KCNQ3: variants seen among roughly 807,000 people sequenced by gnomAD.
KCNQ3 encodes the protein potassium voltage-gated channel subfamily KQT member 3.
KCNQ3 carries 30 observed loss-of-function variants against 92.5 expected under a neutral mutation model. That is an observed-to-expected ratio of 0.32 (90% confidence interval 0.24 to 0.44). KCNQ3 has a LOEUF of 0.44. Among genes scored for constraint, KCNQ3 ranks in the 20% least tolerant of loss-of-function variants. The pLI is 1.00. For synonymous variants in KCNQ3, 450 were observed against 468.8 expected (o/e 0.96, Z 0.52); for missense variants, 913 against 1,140.3 (o/e 0.80, Z 2.87).
At chr8:132,361,477 G>A (rs1471065037) in intron 1 of KCNQ3, among the ~76,000 whole-genome samples, 1 of 152,120 alleles carries the variant, frequency 6.6e-6, no homozygotes, top group Non-Finnish European at 1.5e-5. Context: ...GAGGACTTGC[G>A]GTTCATTGTT....
chr8:132,184,771 C>G (rs1826910279), intron 2 of KCNQ3, among the ~76,000 whole-genome samples: 1 of 152,184 alleles, frequency 6.6e-6, no homozygotes, highest in Non-Finnish European at 1.5e-5. Context: ...TGCCTGTACC[C>G]TGGCATTGCT....
intron 3 of KCNQ3, 138 bp downstream of exon 3, chr8:132,184,103 C>T (rs541820169): frequency 5.0e-5 from 53 of 1,054,914 alleles, no homozygotes; most frequent in South Asian, 1.0e-4. Context: ...CCCTTCTCAT[C>T]GAGGCAGCGT....
At chr8:132,375,450 C>T (rs939119284) in intron 1 of KCNQ3, among the ~76,000 whole-genome samples, 3 of 152,164 alleles carry the variant, frequency 2.0e-5, no homozygotes, top group African/African-American at 7.2e-5. Context: ...ACTCATTCTG[C>T]AGCCGCTGAG....
chr8:132,391,528 G>C (rs1275464911), intron 1 of KCNQ3, among the ~76,000 whole-genome samples: 1 of 152,108 alleles, frequency 6.6e-6, no homozygotes. Context: ...AAATTCTGCA[G>C]GCTGAACTGG....
At chr8:132,255,311 G>C (rs1815548813) in intron 1 of KCNQ3, among the ~76,000 whole-genome samples, 1 of 152,160 alleles carries the variant, frequency 6.6e-6, no homozygotes, top group African/African-American at 2.4e-5. Flanking sequence ...ACCTGACTCA[G>C]AACTTTCCCA....
intron 1 of KCNQ3, among the ~76,000 whole-genome samples, chr8:132,250,422 C>A (rs1317251639): frequency 6.6e-6 from 1 of 152,154 alleles, no homozygotes. Context: ...ATAAATGGGA[C>A]ATGTATTTAG....
intron 1 of KCNQ3, among the ~76,000 whole-genome samples, chr8:132,257,685 T>G (rs1040168907): frequency 9.5e-5 from 13 of 137,022 alleles, no homozygotes; most frequent in Middle Eastern, 4.7e-3. Flanking sequence ...AGGTGGAGGT[T>G]GCAGTGAGCT....
intron 1 of KCNQ3, among the ~76,000 whole-genome samples, chr8:132,230,303 A>G (rs1814591533): frequency 6.6e-6 from 1 of 152,018 alleles, no homozygotes; most frequent in Admixed American, 6.6e-5. Flanking sequence ...AAGGCTCCTT[A>G]CCTTCCAAGA....
At chr8:132,336,198 T>G (rs1818364081) in intron 1 of KCNQ3, among the ~76,000 whole-genome samples, 2 of 152,146 alleles carry the variant, frequency 1.3e-5, no homozygotes, top group Non-Finnish European at 2.9e-5. Flanking sequence ...CCCCAACCAA[T>G]GCCAGCAGGG....
chr8:132,292,463 A>G (rs1000690727), intron 1 of KCNQ3, among the ~76,000 whole-genome samples: 1 of 152,196 alleles, frequency 6.6e-6, no homozygotes, highest in Non-Finnish European at 1.5e-5. Flanking sequence ...ATGGAATCTG[A>G]CCACAGAGAT....
At chr8:132,194,957 A>G (rs1815728326) in intron 1 of KCNQ3, among the ~76,000 whole-genome samples, 1 of 152,190 alleles carries the variant, frequency 6.6e-6, no homozygotes, top group African/African-American at 2.4e-5. Flanking sequence ...TGGTAAATCA[A>G]AGAGTGAATC....
At chr8:132,357,617 C>T (rs1392462971) in intron 1 of KCNQ3, among the ~76,000 whole-genome samples, 1 of 152,184 alleles carries the variant, frequency 6.6e-6, no homozygotes, top group Non-Finnish European at 1.5e-5. Flanking sequence ...ACATGGGCAC[C>T]ACAGGCAGCT....
intron 1 of KCNQ3, among the ~76,000 whole-genome samples, chr8:132,398,994 C>T (rs1203795667): frequency 6.6e-6 from 1 of 152,216 alleles, no homozygotes; most frequent in African/African-American, 2.4e-5. Context: ...GTACCTAAGA[C>T]AAATTCAGTG....
rs1388803804 is a variant in KCNQ3 at position 132,171,794 on chromosome 8, TAGA to T, written c.1140+801_1140+803del. On this transcript the variant is annotated intron_variant, in intron 7 of 14. Coordinates refer to ENST00000388996, the MANE Select transcript of KCNQ3 (RefSeq NM_004519.4). The stretch of plus-strand genomic sequence containing the variant: ...TCCCTAGGCCAAATCTGAGGGGAAG[TAGA>T]AGGAGAAGAAAGCCTAGTGCAGCCC... Among the ~76,000 whole-genome samples, 6 of 151,952 alleles carry T rather than the reference TAGA, an allele frequency of 3.9e-5. No homozygotes were observed. In the South Asian group the frequency reaches 6.2e-4, roughly 16 times the overall value.
chr8:132,331,735 G>GA (rs1489807741), intron 1 of KCNQ3, among the ~76,000 whole-genome samples: 1 of 152,178 alleles, frequency 6.6e-6, no homozygotes, highest in Non-Finnish European at 1.5e-5. Context: ...AAGTAAACAG[G>GA]AAAAATGAAA....
chr8:132,186,256 G>T, intron 1 of KCNQ3, 75 bp from the exon 2 acceptor site: 1 of 1,055,234 alleles, frequency 9.5e-7, no homozygotes, highest in Non-Finnish European at 1.5e-6. Flanking sequence ...GGGGAAAGGT[G>T]TCTTCCAGGA....
At chr8:132,388,732 A>G (rs142371004) in intron 1 of KCNQ3, among the ~76,000 whole-genome samples, 1 of 152,368 alleles carries the variant, frequency 6.6e-6, no homozygotes, top group African/African-American at 2.4e-5. Context: ...CAAATAAAAT[A>G]GACAAGATGC....
At chr8:132,387,246 T>C (rs1819912604) in intron 1 of KCNQ3, among the ~76,000 whole-genome samples, 1 of 152,184 alleles carries the variant, frequency 6.6e-6, no homozygotes, top group Non-Finnish European at 1.5e-5. Flanking sequence ...ACACAAAAGA[T>C]AGCCCAACAT....
intron 1 of KCNQ3, among the ~76,000 whole-genome samples, chr8:132,267,378 A>G (rs1816021094): frequency 6.6e-6 from 1 of 152,142 alleles, no homozygotes; most frequent in African/African-American, 2.4e-5. Flanking sequence ...TGTGCCAGGC[A>G]CTATTTAAGG....
Sources: allele counts gnomAD v4.1 joint callset (sites outside exome capture counted in the v4.1 genomes callset), GRCh38; gene constraint gnomAD v4.1.1; transcripts MANE v1.5; gene names NCBI Gene and HGNC (gene_info 2026-07-23, HGNC 2026-07-21).